Variants in SMG9 observed in about 807,000 individuals in gnomAD.
The protein encoded by SMG9 is nonsense-mediated mRNA decay factor SMG9.
SMG9 carries 55 observed loss-of-function variants against 64.0 expected under a neutral mutation model. The ratio of observed to expected loss-of-function variants is 0.86; its 90% CI spans 0.69 to 1.08. The LOEUF (loss-of-function observed/expected upper bound fraction) is 1.08. Ranked by LOEUF, SMG9 falls within the 50% of genes least tolerant of loss-of-function variation. The pLI, the probability that SMG9 is intolerant of heterozygous loss-of-function variation, is 0.00. For missense variants in SMG9, 554 were observed against 681.3 expected (o/e 0.81, Z 2.08); for synonymous variants, 244 against 254.8 (o/e 0.96, Z 0.41).
intron 9 of SMG9, among the ~76,000 whole-genome samples, chr19:43,735,641 CTG>C (rs1555788347): frequency 8.6e-6 from 1 of 116,632 alleles, no homozygotes; most frequent in African/African-American, 3.5e-5. Flanking sequence ...AAAAAAAAAT[CTG>C]TGTGGTTTTT....
In SMG9 at chr19:43,747,509, G is replaced by C. The variant is rs895965302; in HGVS notation, c.521C>G (p.Pro174Arg). The C allele has an allele frequency of 7.4e-6, 12 of 1,614,134 alleles. No homozygotes were observed. The highest frequency in any genetic ancestry group is 9.3e-6 in the Non-Finnish European group (11 of 1,180,032). Residue 174 changes from proline (P) to arginine (R), a missense_variant, in exon 5 of 14, where the codon CCA becomes CGA. Physicochemically the swap from Pro to Arg is moderately radical, Grantham distance 103. Coordinates refer to ENST00000270066, the MANE Select transcript of SMG9 (RefSeq NM_019108.4). ...CTTGATGCTGTGCTTCATGCGCTCT[G>C]GGGGCAGTAGTTTGGCCTGACCCAC... ...PVVGQAKLLP[P>R]ERMKHSIKLV... is the part of the protein sequence containing the mutation.
intron 1 of SMG9, among the ~76,000 whole-genome samples, chr19:43,753,464 T>TC (rs1210834305): frequency 1.4e-5 from 2 of 147,330 alleles, no homozygotes; most frequent in Non-Finnish European, 3.0e-5. Context: ...TTTTCTTTTT[T>TC]TTTTTTTTTT....
chr19:43,735,848 A>G (rs1319327466), intron 9 of SMG9, among the ~76,000 whole-genome samples: 1 of 152,192 alleles, frequency 6.6e-6, no homozygotes, highest in Non-Finnish European at 1.5e-5. Context: ...CAAGACCTTA[A>G]AAACAAGGCT....
intron 2 of SMG9, 98 bp downstream of exon 2, chr19:43,750,494 A>G (rs1969160840): frequency 7.1e-7 from 1 of 1,411,384 alleles, no homozygotes; most frequent in African/African-American, 1.4e-5. Context: ...GGTTTTGTTT[A>G]CAAATATATC....
At chr19:43,750,385 C>G in intron 2 of SMG9, 1 of 707,562 alleles carries the variant, frequency 1.4e-6, no homozygotes, top group Non-Finnish European at 2.5e-6. Context: ...CTTCAAGTCT[C>G]TGCTAAAAAG....
chr19:43,732,916 GGCTCCGGA>G lies in SMG9; in HGVS notation c.1418_1425del (p.Leu473ProfsTer82), dbSNP rs1968531437. On this transcript the variant is annotated frameshift_variant, in exon 13 of 14. Coordinates refer to ENST00000270066, the MANE Select transcript of SMG9 (RefSeq NM_019108.4). LOFTEE classifies it high-confidence loss of function. Reference sequence around the variant, plus strand: ...TGTGGCCGGGCCATGGACATCACTTGGCTCCGGAGCTTGCTCACCAAGGACTGGAAACT... The same window carrying G: ...TGTGGCCGGGCCATGGACATCACTTGGCTTGCTCACCAAGGACTGGAAACT... 6.2e-7 allele frequency: 1 copy of G among 1,613,912 alleles called. No individual in the cohort carries two copies. The highest frequency in any genetic ancestry group is 1.7e-5 in the Admixed American group (1 of 59,988).
At position 43,732,958 on chromosome 19, in the gene SMG9, C is replaced by T. The variant is rs1301712760; in HGVS notation, c.1384G>A (p.Gly462Ser). ...ACCAAGGACTGGAAACTGGGGTGGC[C>T]ACGATACCCAGGCAGCAGGGAGAAG... ...PLFSLLPGYRGHPSFQSLVSK... is the reference protein window; with the variant it reads ...PLFSLLPGYRSHPSFQSLVSK... The change falls in exon 13 of 14, where the codon GGC becomes AGC. Residue 462 changes from glycine (G) to serine (S), a missense_variant. By Grantham distance (56) the Gly-to-Ser change is moderately conservative. Transcript: ENST00000270066. The T allele has an allele frequency of 6.2e-7, 1 of 1,613,582 alleles. No homozygotes were observed. The highest frequency in any genetic ancestry group is 8.5e-7 in the Non-Finnish European group (1 of 1,179,864).
chr19:43,749,544 G>A (rs532837516), intron 2 of SMG9, among the ~76,000 whole-genome samples: 2 of 152,320 alleles, frequency 1.3e-5, no homozygotes, highest in South Asian at 4.1e-4. Context: ...CATTTACACT[G>A]TGGCCCAAGA....
intron 7 of SMG9, 125 bp downstream of exon 7, chr19:43,739,982 C>A: frequency 1.4e-6 from 1 of 733,266 alleles, no homozygotes. Context: ...CCCAGGGCAG[C>A]CAGTATGTCC....
rs1272769304 is a variant in SMG9 at position 43,744,899 on chromosome 19, A to G, written c.589-15T>C. On this transcript the variant is annotated splice_polypyrimidine_tract_variant and intron_variant, in intron 5 of 13. Coordinates refer to ENST00000270066, the MANE Select transcript of SMG9 (RefSeq NM_019108.4). Reference sequence around the variant, plus strand: ...TCCAACAGGTACTGTGGGAAAATACATAAATGACTCTGACAAGTCTGTCAG... The same window carrying G: ...TCCAACAGGTACTGTGGGAAAATACGTAAATGACTCTGACAAGTCTGTCAG... 1.3e-6 allele frequency: 2 copies of G among 1,599,778 alleles called. No individual in the cohort carries two copies. The highest frequency in any genetic ancestry group is 2.2e-5 in the East Asian group (1 of 44,660).
chr19:43,737,520 G>A (rs1968708143), intron 9 of SMG9, 77 bp downstream of exon 9: 9 of 1,318,748 alleles, frequency 6.8e-6, no homozygotes, highest in South Asian at 2.6e-5. Flanking sequence ...TGTCCCTTGA[G>A]TCAGTGGCTC....
chr19:43,744,973 C>A, intron 5 of SMG9, 89 bp from the exon 6 acceptor site: 1 of 877,660 alleles, frequency 1.1e-6, no homozygotes. Flanking sequence ...TTGTGGCTCC[C>A]CCACCTGCCT....
chr19:43,746,310 A>G (rs1969001885), intron 5 of SMG9, among the ~76,000 whole-genome samples: 3 of 152,228 alleles, frequency 2.0e-5, no homozygotes, highest in Admixed American at 2.0e-4. Context: ...CTTAAACAAC[A>G]TTAAAAATTC....
At chr19:43,754,376 A>C (rs1483459681) in intron 1 of SMG9, 1 of 152,190 alleles carries the variant, frequency 6.6e-6, no homozygotes, top group East Asian at 1.9e-4. Flanking sequence ...TTCTCGTTAC[A>C]CGTTATTGGG....
At position 43,731,133 on chromosome 19, in the gene SMG9, A is replaced by G; in HGVS notation, c.*463T>C. 1.0e-6 allele frequency: 1 copy of G among 988,526 alleles called. No individual in the cohort carries two copies. Among genetic ancestry groups the G allele is most frequent in the Non-Finnish European group, 1.2e-6 (1 of 832,044 alleles). The allele number at this position is 988,526 out of a possible 1,614,324, so 61.2% of individuals were successfully genotyped here. On this transcript the variant is annotated 3_prime_UTR_variant, in exon 14 of 14. Coordinates refer to ENST00000270066, the MANE Select transcript of SMG9 (RefSeq NM_019108.4). ...AGAGCTGCATGGTGGGTAGAGGAGT[A>G]AGTGGAACATAAGAACAGGCTTGCA...
intron 1 of SMG9, among the ~76,000 whole-genome samples, chr19:43,753,029 C>A (rs1466278057): frequency 6.6e-6 from 1 of 151,936 alleles, no homozygotes; most frequent in Admixed American, 6.6e-5. Flanking sequence ...ATAAACAGGT[C>A]CCTCCGAGAC....
At chr19:43,734,329 G>T (rs1230051243) in intron 10 of SMG9, 60 bp downstream of exon 10, 2 of 1,371,652 alleles carry the variant, frequency 1.5e-6, no homozygotes, top group African/African-American at 1.4e-5. Flanking sequence ...GCGTGCTCCT[G>T]ACTTTCAGCC....
chr19:43,747,682 G>A lies in SMG9; in HGVS notation c.441C>T (p.Tyr147=), dbSNP rs1337783886. Residue 147 remains tyrosine, a synonymous_variant, in exon 4 of 14, where the codon TAC becomes TAT. Transcript: ENST00000270066. ...KEGQRPTQPV[Y]QIQNRGMGTA... ...TGCCCATGCCCCGGTTCTGGATCTG[G>A]TACACAGGCTGTGTGGGTCTCTGCC... 1.2e-6 allele frequency: 2 copies of A among 1,611,840 alleles called. No individual in the cohort carries two copies. Among genetic ancestry groups the A allele is most frequent in the South Asian group, 1.1e-5 (1 of 90,758 alleles).
intron 3 of SMG9, 30 bp from the exon 4 acceptor site, chr19:43,747,927 G>A (rs1969074015): frequency 6.2e-7 from 1 of 1,614,068 alleles, no homozygotes; most frequent in South Asian, 1.1e-5. Flanking sequence ...CCCATCAATG[G>A]GGGCAATCCC....
Sources: allele counts gnomAD v4.1 joint callset (sites outside exome capture counted in the v4.1 genomes callset), GRCh38; gene constraint gnomAD v4.1.1; transcripts MANE v1.5; gene names NCBI Gene and HGNC (gene_info 2026-07-23, HGNC 2026-07-21).